Variants in UBE2E3 observed in about 807,000 individuals in gnomAD.
UBE2E3 encodes ubiquitin-conjugating enzyme E2 E3.
Under a neutral mutation model 23.6 loss-of-function variants are expected in UBE2E3, and 5 were observed. The ratio of observed to expected loss-of-function variants is 0.21; its 90% confidence interval spans 0.11 to 0.44. The LOEUF (loss-of-function observed/expected upper bound fraction) is 0.44. Ranked by LOEUF, UBE2E3 falls within the 20% of genes least tolerant of loss-of-function variation. The pLI is 0.99. For missense variants in UBE2E3, 81 were observed against 249.8 expected, an observed-to-expected ratio of 0.32 and a Z score of 4.55; for synonymous variants, 78 against 87.5, an observed-to-expected ratio of 0.89 and a Z score of 0.60.
chr2:181,058,378 A>G (rs1182883406), intron 4 of UBE2E3, among the ~76,000 whole-genome samples: 1 of 151,756 alleles, frequency 6.6e-6, no homozygotes, highest in Admixed American at 6.6e-5. Context: ...CTCTGAGTTC[A>G]TTTGAAGTAT....
At chr2:181,031,322 A>G (rs1163304191) in intron 3 of UBE2E3, among the ~76,000 whole-genome samples, 1 of 152,158 alleles carries the variant, frequency 6.6e-6, no homozygotes, top group Non-Finnish European at 1.5e-5. Context: ...TCTGGTTGTC[A>G]AAAACAAGAT....
intron 3 of UBE2E3, among the ~76,000 whole-genome samples, chr2:181,040,917 G>A (rs375704407): frequency 9.0e-4 from 127 of 141,778 alleles, no homozygotes; most frequent in African/African-American, 3.1e-3. Context: ...ACTCTTAGAG[G>A]TTCCTTCTGA....
chr2:181,057,595 C>G, intron 3 of UBE2E3, 98 bp from the exon 4 acceptor site: 1 of 992,934 alleles, frequency 1.0e-6, no homozygotes, highest in Non-Finnish European at 1.5e-6. Context: ...TCTTATTGCT[C>G]TAGATTGCTA....
intron 3 of UBE2E3, among the ~76,000 whole-genome samples, chr2:181,029,899 C>T (rs1208946064): frequency 7.5e-5 from 11 of 147,082 alleles, no homozygotes; most frequent in African/African-American, 2.5e-4. Flanking sequence ...TGCAGTGGTG[C>T]AGTCTCGGCT....
chr2:180,993,604 A>G (rs1008845581), intron 3 of UBE2E3, among the ~76,000 whole-genome samples: 5 of 152,114 alleles, frequency 3.3e-5, no homozygotes, highest in African/African-American at 1.2e-4. Flanking sequence ...CTTTACATCC[A>G]TGCGTCTCAC....
intron 3 of UBE2E3, among the ~76,000 whole-genome samples, chr2:181,015,637 CAG>C (rs763218010): frequency 7.0e-4 from 106 of 151,888 alleles, no homozygotes; most frequent in Admixed American, 1.8e-3. Flanking sequence ...TTTATAATAA[CAG>C]ATAAGGATGG....
chr2:181,021,656 C>CTTCCTTCCTTCCTTCT (rs1685704538), intron 3 of UBE2E3, among the ~76,000 whole-genome samples: 1 of 133,944 alleles, frequency 7.5e-6, no homozygotes, highest in Non-Finnish European at 1.6e-5. Flanking sequence ...TCCTTCCTTC[C>CTTCCTTCCTTCCTTCT]TTCCTTCCTT....
chr2:181,039,304 C>T (rs914818532), intron 3 of UBE2E3, among the ~76,000 whole-genome samples: 2 of 151,864 alleles, frequency 1.3e-5, no homozygotes, highest in African/African-American at 4.8e-5. Flanking sequence ...TAAATTTATA[C>T]TTCAAAGCTG....
chr2:181,047,879 A>G (rs916179067), intron 3 of UBE2E3, among the ~76,000 whole-genome samples: 1 of 152,150 alleles, frequency 6.6e-6, no homozygotes, highest in Non-Finnish European at 1.5e-5. Flanking sequence ...TTCTTTTAAT[A>G]TAAAGACAAG....
chr2:181,039,489 G>A (rs1640590792), intron 3 of UBE2E3, among the ~76,000 whole-genome samples: 1 of 151,976 alleles, frequency 6.6e-6, no homozygotes, highest in Non-Finnish European at 1.5e-5. Flanking sequence ...GAGTGTACAG[G>A]GACTGGTGTG....
Position 180,983,930 on chromosome 2 carries a change from GAA to G in UBE2E3, c.195-112_195-111del, listed in dbSNP as rs1463371504. ...AGGAAGCAGCCATGTTAGCATTACT[GAA>G]GGCAGAGCCAGCCTTGCATTTAACT... On this transcript the variant is annotated intron_variant, in intron 2 of 5. Transcript: ENST00000410062. The G allele has an allele frequency of 6.8e-6, 5 of 736,866 alleles. No homozygotes were observed. The East Asian group carries it at 1.1e-4, about 17-fold the overall frequency. The allele number at this position is 736,866 out of a possible 1,614,324, so 45.6% of individuals were successfully genotyped here.
At chr2:180,982,554 T>TG (rs1684333582) in intron 2 of UBE2E3, among the ~76,000 whole-genome samples, 1 of 152,140 alleles carries the variant, frequency 6.6e-6, no homozygotes, top group African/African-American at 2.4e-5. Context: ...GATGGTACTT[T>TG]GGGGATGTTC....
chr2:181,053,994 G>C (rs2105476325), intron 3 of UBE2E3, among the ~76,000 whole-genome samples: 2 of 151,868 alleles, frequency 1.3e-5, no homozygotes, highest in Middle Eastern at 6.8e-3. Context: ...ATGCATTTAA[G>C]TTTCATCCAT....
chr2:181,035,586 A>G (rs1686244988), intron 3 of UBE2E3, among the ~76,000 whole-genome samples: 1 of 152,214 alleles, frequency 6.6e-6, no homozygotes, highest in African/African-American at 2.4e-5. Context: ...ATACATAGCA[A>G]GCTTGTTCAA....
rs538391672 is a variant in UBE2E3, at chr2:181,005,716, T to C, written c.245+21623T>C. ...ATAATTTGTTACGGTTATATAGTTATATATTTTTTCTATTTAACAGACCTA... is the reference window on the plus strand; with the variant it reads ...ATAATTTGTTACGGTTATATAGTTACATATTTTTTCTATTTAACAGACCTA... On this transcript the variant is annotated intron_variant, in intron 3 of 5. Coordinates refer to ENST00000410062, the MANE Select transcript of UBE2E3 (RefSeq NM_006357.4). 1.4e-4 allele frequency among the ~76,000 whole-genome samples: 22 copies of C among 152,358 alleles called. No homozygotes were observed. In the South Asian group the frequency reaches 1.7e-3, roughly 11 times the overall value.
At chr2:181,047,482 T>A (rs1016307052) in intron 3 of UBE2E3, among the ~76,000 whole-genome samples, 23 of 152,144 alleles carry the variant, frequency 1.5e-4, no homozygotes, top group African/African-American at 4.3e-4. Flanking sequence ...TCCCAGTGTA[T>A]CCAAAACCAA....
intron 3 of UBE2E3, among the ~76,000 whole-genome samples, chr2:181,046,596 G>A (rs1219711783): frequency 6.6e-6 from 1 of 152,136 alleles, no homozygotes; most frequent in Non-Finnish European, 1.5e-5. Context: ...TGGCGAAATG[G>A]CTTCAGTTTT....
chr2:180,990,455 T>A (rs1041319729), intron 3 of UBE2E3, among the ~76,000 whole-genome samples: 3 of 152,232 alleles, frequency 2.0e-5, no homozygotes, highest in Non-Finnish European at 4.4e-5. Flanking sequence ...TAGTGATGCA[T>A]CCTTAATATA....
At chr2:181,017,117 G>A (rs767467979) in intron 3 of UBE2E3, among the ~76,000 whole-genome samples, 4 of 152,232 alleles carry the variant, frequency 2.6e-5, no homozygotes, top group Non-Finnish European at 5.9e-5. Flanking sequence ...TGCAACCTGT[G>A]TTATAGAAGG....
Sources: gnomAD v4.1 joint callset for allele counts (sites outside exome capture counted in the v4.1 genomes callset) on GRCh38, gnomAD v4.1.1 for gene constraint, MANE v1.5 for transcripts, NCBI Gene and HGNC (gene_info 2026-07-23, HGNC 2026-07-21) for gene names.